The following AFF1 variants were observed in gnomAD, a reference collection of about 807,000 sequenced individuals.
AFF1 encodes AF4/FMR2 family member 1.
Under a neutral mutation model 121.7 loss-of-function variants are expected in AFF1, and 48 were observed. That is an observed-to-expected ratio of 0.39 (90% CI 0.31 to 0.50). The LOEUF is 0.50. AFF1 is among the 20% of genes least tolerant of loss of function. The probability of loss-of-function intolerance (pLI) is 0.76; values close to 1 mark genes in which losing one functional copy is unlikely to be tolerated. For missense variants in AFF1, 1,523 were observed against 1,511.7 expected (o/e 1.01, Z -0.12); for synonymous variants, 613 against 563.0 (o/e 1.09, Z -1.26).
At chr4:87,105,588 A>G (rs778781168) in intron 8 of AFF1, 40 bp from the exon 9 acceptor site, 2 of 1,612,010 alleles carry the variant, frequency 1.2e-6, no homozygotes, top group South Asian at 2.2e-5. Flanking sequence ...GTTAGAAATC[A>G]TTTCACATTC....
In AFF1 at chr4:87,007,285, G is replaced by A. The variant is rs575739188; in HGVS notation, c.39-38881G>A. 279 of 1,561,186 alleles carry A rather than the reference G, an allele frequency of 1.8e-4. 1 individual carries two copies. Among genetic ancestry groups the A allele is most frequent in the South Asian group, 1.2e-5 (1 of 84,906 alleles). On this transcript the variant is annotated intron_variant, in intron 2 of 20. Transcript: ENST00000395146. ...CGAGAGCAGGTAGTCCCGTAACATC[G>A]GGGCGCCGCGCCGGGACGCGTCCCC...
intron 12 of AFF1, among the ~76,000 whole-genome samples, chr4:87,124,793 ATTGT>A (rs1336014438): frequency 6.6e-6 from 1 of 152,104 alleles, no homozygotes; most frequent in African/African-American, 2.4e-5. Flanking sequence ...CATGGGAGGA[ATTGT>A]TTTTCTTCGT....
chr4:87,000,014 G>C (rs764737963), intron 2 of AFF1, among the ~76,000 whole-genome samples: 2 of 152,192 alleles, frequency 1.3e-5, no homozygotes, highest in Admixed American at 1.3e-4. Context: ...GGGGCAAGGA[G>C]CCAACCTGAA....
chr4:86,949,477 CAG>C (rs1016012785), intron 2 of AFF1, among the ~76,000 whole-genome samples: 88 of 149,278 alleles, frequency 5.9e-4, no homozygotes, highest in African/African-American at 2.0e-3. Context: ...CTAGCAATTG[CAG>C]AGTTGTTTTT....
At chr4:87,098,403 C>T (rs1213454730) in intron 8 of AFF1, among the ~76,000 whole-genome samples, 1 of 152,148 alleles carries the variant, frequency 6.6e-6, no homozygotes. Flanking sequence ...GAATCCTCTT[C>T]CTTTCCAAGG....
At chr4:87,134,157 G>T (rs1293799923) in intron 19 of AFF1, among the ~76,000 whole-genome samples, 1 of 152,168 alleles carries the variant, frequency 6.6e-6, no homozygotes, top group Non-Finnish European at 1.5e-5. Flanking sequence ...GTGGATGAAA[G>T]GATGAAATAC....
intron 4 of AFF1, among the ~76,000 whole-genome samples, chr4:87,060,874 A>G (rs779247808): frequency 3.8e-4 from 53 of 139,626 alleles, no homozygotes; most frequent in Non-Finnish European, 7.0e-4. Flanking sequence ...AAAACACAAA[A>G]AAACAACAAC....
At chr4:87,093,298 G>A (rs1023582106) in intron 7 of AFF1, among the ~76,000 whole-genome samples, 3 of 151,976 alleles carry the variant, frequency 2.0e-5, no homozygotes, top group African/African-American at 7.3e-5. Context: ...CTGCTATTCC[G>A]GCAGCCTTAT....
rs1037046197 is a variant in AFF1, at chr4:87,095,628, G to A, written c.1283+659G>A. 6.6e-5 allele frequency among the ~76,000 whole-genome samples: 10 copies of A among 152,122 alleles called. No individual in the cohort carries two copies. In the South Asian group the frequency reaches 8.3e-4, roughly 13 times the overall value. On this transcript the variant is annotated intron_variant, in intron 8 of 20. Coordinates refer to ENST00000395146, the MANE Select transcript of AFF1 (RefSeq NM_001166693.3). The stretch of plus-strand genomic sequence containing the variant: ...GGATGTGCACAATTGAAGATTTTCC[G>A]CCCTTTTTTGGCCTAATTTACTAAT...
intron 1 of AFF1, among the ~76,000 whole-genome samples, chr4:86,944,256 A>G (rs1038924710): frequency 4.6e-5 from 7 of 152,194 alleles, no homozygotes; most frequent in Admixed American, 3.9e-4. Flanking sequence ...AATGTTTACC[A>G]TGAGCCAGTC....
At position 87,022,678 on chromosome 4, in the gene AFF1, G is replaced by GCTGTGTGTATATATA. The variant is rs372833260; in HGVS notation, c.39-23488_39-23487insCTGTGTGTATATATA. Among the ~76,000 whole-genome samples the GCTGTGTGTATATATA allele has an allele frequency of 3.9e-4, 6 of 15,290 alleles. No homozygotes were observed. The East Asian group carries it at 6.4e-3, about 16-fold the overall frequency. 10.0% of individuals were successfully genotyped at this position (15,290 alleles called of 152,430 possible). A position where few individuals can be genotyped will look rare whatever the true frequency, so the allele number is the denominator to read the frequency against. ...TATATATATGTGTGTGTATATATAT[G>GCTGTGTGTATATATA]TGTGTGTATGTATATCTGTGTGTAT... On this transcript the variant is annotated intron_variant, in intron 2 of 20. Coordinates refer to ENST00000395146, the MANE Select transcript of AFF1 (RefSeq NM_001166693.3).
intron 8 of AFF1, among the ~76,000 whole-genome samples, chr4:87,103,276 A>G (rs1282808551): frequency 6.6e-6 from 1 of 152,234 alleles, no homozygotes; most frequent in Non-Finnish European, 1.5e-5. Context: ...GCTTTCTGGA[A>G]TAGTTTGTGG....
At chr4:87,117,220 C>T (rs72866959) in intron 12 of AFF1, among the ~76,000 whole-genome samples, 2 of 152,198 alleles carry the variant, frequency 1.3e-5, no homozygotes, top group Non-Finnish European at 2.9e-5. Flanking sequence ...GAACTGTGCC[C>T]TCTATAAGCC....
At chr4:87,027,858 GCAGTGGCCCATTGCAAC>G (rs1728683758) in intron 2 of AFF1, among the ~76,000 whole-genome samples, 1 of 127,220 alleles carries the variant, frequency 7.9e-6, no homozygotes, top group African/African-American at 3.0e-5. Context: ...TGTGATCAAT[GCAGTGGCCCATTGCAAC>G]CTCTGCCTCC....
chr4:86,996,238 T>C lies in AFF1; in HGVS notation c.38+47667T>C, dbSNP rs535121184. Among the ~76,000 whole-genome samples the C allele has an allele frequency of 3.5e-3, 539 of 152,154 alleles. 4 individuals are homozygous for C. Among genetic ancestry groups the C allele is most frequent in the African/African-American group, 0.012 (518 of 41,530 alleles). On this transcript the variant is annotated intron_variant, in intron 2 of 20. Transcript: ENST00000395146. ...TCTGGGAGGTGTACCCAACAGCTCA[T>C]TGAGAACGGGCCATGATGACAATGG...
intron 4 of AFF1, 45 bp downstream of exon 4, chr4:87,047,639 A>G: frequency 1.2e-6 from 2 of 1,612,036 alleles, no homozygotes; most frequent in Non-Finnish European, 1.7e-6. Context: ...TCGAAGACGG[A>G]TTTGAGATGA....
At position 87,046,679 on chromosome 4, in the gene AFF1, TCTC is replaced by T. The variant is rs764128110; in HGVS notation, c.160-13_160-11del. On this transcript the variant is annotated splice_polypyrimidine_tract_variant and intron_variant, in intron 3 of 20. Transcript: ENST00000395146. The stretch of plus-strand genomic sequence containing the variant: ...CCTTAGTTTTTTTTCATTCTCAAAT[TCTC>T]CTTTTTTTTCAGACAGCAAAAGGTG... 3.8e-6 allele frequency: 6 copies of T among 1,583,172 alleles called. No homozygotes were observed. In the African/African-American group the frequency reaches 4.1e-5, roughly 11 times the overall value.
chr4:87,061,053 C>T (rs181849598), intron 4 of AFF1, among the ~76,000 whole-genome samples: 1 of 152,238 alleles, frequency 6.6e-6, no homozygotes, highest in African/African-American at 2.4e-5. Context: ...AGGGAAAACA[C>T]TGGTCTGTTG....
chr4:86,955,642 CA>C (rs1721681394), intron 2 of AFF1, among the ~76,000 whole-genome samples: 1 of 152,020 alleles, frequency 6.6e-6, no homozygotes, highest in Non-Finnish European at 1.5e-5. Context: ...TACTTGAGGA[CA>C]GGGGGAAAAC....
Sources: allele counts gnomAD v4.1 joint callset (sites outside exome capture counted in the v4.1 genomes callset), GRCh38; gene constraint gnomAD v4.1.1; transcripts MANE v1.5; gene names NCBI Gene and HGNC (gene_info 2026-07-23, HGNC 2026-07-21).